DRGX: variants seen among roughly 807,000 people sequenced by gnomAD.
The protein encoded by DRGX is dorsal root ganglia homeobox protein.
Under a neutral mutation model 28.6 loss-of-function variants are expected in DRGX, and 21 were observed. The ratio of observed to expected loss-of-function variants is 0.73; its 90% CI spans 0.52 to 1.06. The LOEUF (loss-of-function observed/expected upper bound fraction) is 1.06, where lower values mean the gene tolerates loss of function less well. DRGX is among the 50% of genes least tolerant of loss of function. The pLI, the probability that DRGX is intolerant of heterozygous loss-of-function variation, is 0.00. For synonymous variants in DRGX, 136 were observed against 139.1 expected, an observed-to-expected ratio of 0.98 and a Z score of 0.16; for missense variants, 354 against 343.9, an observed-to-expected ratio of 1.03 and a Z score of -0.23.
At chr10:49,380,821 G>T (rs56190599) in intron 6 of DRGX, among the ~76,000 whole-genome samples, 1 of 152,142 alleles carries the variant, frequency 6.6e-6, no homozygotes, top group Non-Finnish European at 1.5e-5. Context: ...GGGGTCTAGG[G>T]ACTGCAGCTG....
At chr10:49,367,916 G>C (rs1487531033) in intron 6 of DRGX, among the ~76,000 whole-genome samples, 2 of 152,182 alleles carry the variant, frequency 1.3e-5, no homozygotes, top group African/African-American at 4.8e-5. Context: ...AGGCCACCCT[G>C]GCCTGGCACC....
At chr10:49,384,409 C>A (rs1482761209) in intron 6 of DRGX, among the ~76,000 whole-genome samples, 1 of 152,184 alleles carries the variant, frequency 6.6e-6, no homozygotes, top group Non-Finnish European at 1.5e-5. Flanking sequence ...TGCACAAAGA[C>A]ACATCCAAGT....
intron 6 of DRGX, among the ~76,000 whole-genome samples, chr10:49,366,742 C>T (rs1849606010): frequency 6.6e-6 from 1 of 152,186 alleles, no homozygotes; most frequent in African/African-American, 2.4e-5. Context: ...TCATTCCACA[C>T]TCCCAAACTG....
At chr10:49,375,050 C>G (rs778186455) in intron 6 of DRGX, among the ~76,000 whole-genome samples, 2 of 152,164 alleles carry the variant, frequency 1.3e-5, no homozygotes, top group Admixed American at 1.3e-4. Context: ...TTGGTAGATG[C>G]CTACAATATT....
intron 6 of DRGX, among the ~76,000 whole-genome samples, chr10:49,376,395 G>T (rs1398864463): frequency 2.0e-5 from 3 of 152,164 alleles, no homozygotes; most frequent in Admixed American, 2.0e-4. Context: ...CAAGCCAGGA[G>T]CCCTGGGAGA....
intron 6 of DRGX, among the ~76,000 whole-genome samples, chr10:49,377,767 A>G (rs574240250): frequency 6.6e-6 from 1 of 152,376 alleles, no homozygotes; most frequent in Admixed American, 6.5e-5. Context: ...CCTAAGGAAA[A>G]GCAGCAGAAG....
At chr10:49,386,309 A>G (rs1849833297) in intron 6 of DRGX, among the ~76,000 whole-genome samples, 169 bp downstream of exon 6, 1 of 152,152 alleles carries the variant, frequency 6.6e-6, no homozygotes. Flanking sequence ...GTAGGAAGCA[A>G]TCAAGATAGC....
At chr10:49,386,899 CA>C (rs770570771) in intron 4 of DRGX, 41 bp from the exon 5 acceptor site, 1 of 1,512,650 alleles carries the variant, frequency 6.6e-7, no homozygotes, top group Non-Finnish European at 8.8e-7. Context: ...GAAAATCAAA[CA>C]GGAGGAAGAA....
chr10:49,378,185 AATG>A (rs1439752733), intron 6 of DRGX, among the ~76,000 whole-genome samples: 1 of 152,218 alleles, frequency 6.6e-6, no homozygotes, highest in East Asian at 1.9e-4. Context: ...AATTTTTAAA[AATG>A]ATAAGATAAA....
chr10:49,389,449 G>T (rs907206493), intron 4 of DRGX, among the ~76,000 whole-genome samples: 1 of 152,138 alleles, frequency 6.6e-6, no homozygotes, highest in Non-Finnish European at 1.5e-5. Flanking sequence ...AGAATAGCTC[G>T]CCCAGAGAGG....
chr10:49,372,318 A>G (rs1849667786), intron 6 of DRGX, among the ~76,000 whole-genome samples: 1 of 152,224 alleles, frequency 6.6e-6, no homozygotes, highest in Admixed American at 6.5e-5. Flanking sequence ...ACAATAGGAC[A>G]TCTCTGGGGC....
rs373237481 is a variant in DRGX, at chr10:49,395,106, A to G, written c.34+301T>C. ...CGGCCCCCTGGGTTGCGGAGCCCCA[A>G]TTAGAGGCGTGACACCAGCATCTGT... On this transcript the variant is annotated intron_variant, in intron 2 of 6. Coordinates refer to ENST00000374139, the MANE Select transcript of DRGX (RefSeq NM_001276451.2). Among the ~76,000 whole-genome samples the G allele has an allele frequency of 7.7e-4, 117 of 152,322 alleles. 1 individual carries two copies. The East Asian group carries it at 0.011, about 15-fold the overall frequency.
chr10:49,387,084 A>G (rs1201754247), intron 4 of DRGX, among the ~76,000 whole-genome samples: 1 of 152,260 alleles, frequency 6.6e-6, no homozygotes, highest in African/African-American at 2.4e-5. Context: ...CCGAATGCCC[A>G]TAGTAAGGGT....
At chr10:49,380,794 G>A (rs1241145268) in intron 6 of DRGX, among the ~76,000 whole-genome samples, 1 of 152,174 alleles carries the variant, frequency 6.6e-6, no homozygotes, top group East Asian at 1.9e-4. Context: ...ACTTCATTGG[G>A]TCCTTTAAAA....
chr10:49,395,308 C>G, intron 2 of DRGX, 99 bp downstream of exon 2: 1 of 1,465,066 alleles, frequency 6.8e-7, no homozygotes, highest in Non-Finnish European at 9.2e-7. Flanking sequence ...GCGCCCCCCG[C>G]AGGGCGGGGA....
chr10:49,390,083 G>A (rs1454325134), intron 4 of DRGX, 50 bp downstream of exon 4: 7 of 1,528,986 alleles, frequency 4.6e-6, no homozygotes, highest in Admixed American at 4.3e-5. Context: ...TCAAAAAAAA[G>A]TTTGCCAGTT....
chr10:49,379,237 AG>A (rs1478872997), intron 6 of DRGX, among the ~76,000 whole-genome samples: 2 of 152,214 alleles, frequency 1.3e-5, no homozygotes, highest in Non-Finnish European at 2.9e-5. Flanking sequence ...AAAAGTCAGC[AG>A]AGCGGTGTCT....
chr10:49,366,817 G>A (rs1237272751), intron 6 of DRGX, among the ~76,000 whole-genome samples: 2 of 152,232 alleles, frequency 1.3e-5, no homozygotes, highest in Admixed American at 6.5e-5. Context: ...AGGAAACCCA[G>A]CCACACATGT....
At chr10:49,385,066 C>T (rs923963436) in intron 6 of DRGX, among the ~76,000 whole-genome samples, 1 of 152,168 alleles carries the variant, frequency 6.6e-6, no homozygotes, top group South Asian at 2.1e-4. Context: ...TCTGGATCCC[C>T]CTTCTAATTG....
Sources: allele counts gnomAD v4.1 joint callset (sites outside exome capture counted in the v4.1 genomes callset), GRCh38; gene constraint gnomAD v4.1.1; transcripts MANE v1.5; gene names NCBI Gene and HGNC (gene_info 2026-07-23, HGNC 2026-07-21).